Variants in INTS3 observed in about 807,000 individuals in gnomAD.
INTS3 encodes the protein integrator complex subunit 3.
INTS3 carries 34 observed loss-of-function variants against 146.3 expected under a neutral mutation model. The ratio of observed to expected loss-of-function variants is 0.23; its 90% CI spans 0.18 to 0.31. The LOEUF (loss-of-function observed/expected upper bound fraction) is 0.31. Ranked by LOEUF, INTS3 falls within the 10% of genes least tolerant of loss-of-function variation. The probability of loss-of-function intolerance (pLI) is 1.00; values close to 1 mark genes in which losing one functional copy is unlikely to be tolerated. For missense variants in INTS3, 757 were observed against 1,304.2 expected (o/e 0.58, Z 6.46); for synonymous variants, 475 against 494.9 (o/e 0.96, Z 0.53).
chr1:153,735,495 T>A (rs958886084), intron 1 of INTS3, among the ~76,000 whole-genome samples: 1 of 152,164 alleles, frequency 6.6e-6, no homozygotes, highest in African/African-American at 2.4e-5. Context: ...TGCTGTTTGA[T>A]TTTGCTTGCC....
intron 10 of INTS3, among the ~76,000 whole-genome samples, chr1:153,758,174 G>A (rs888596280): frequency 6.6e-6 from 1 of 152,160 alleles, no homozygotes; most frequent in Admixed American, 6.5e-5. Context: ...TAAATGCAGC[G>A]AATCTGCAGT....
intron 20 of INTS3, among the ~76,000 whole-genome samples, chr1:153,766,088 T>G (rs1176852468): frequency 6.6e-6 from 1 of 151,562 alleles, no homozygotes; most frequent in Non-Finnish European, 1.5e-5. Context: ...CTGTATGTGA[T>G]CTTTTGTGAC....
chr1:153,765,128 G>A (rs540121655), intron 20 of INTS3, 65 bp downstream of exon 20: 184 of 1,565,364 alleles, frequency 1.2e-4, no homozygotes, highest in Admixed American at 2.3e-4. Context: ...TCTTCCACAC[G>A]CTGACTCCCC....
chr1:153,746,561 C>T (rs1000025650), intron 3 of INTS3, among the ~76,000 whole-genome samples: 3 of 152,148 alleles, frequency 2.0e-5, no homozygotes, highest in Non-Finnish European at 4.4e-5. Flanking sequence ...CCACCGTGCC[C>T]GGCTAATTTT....
intron 1 of INTS3, among the ~76,000 whole-genome samples, chr1:153,736,278 G>A (rs560066073): frequency 2.6e-4 from 40 of 152,210 alleles, no homozygotes; most frequent in African/African-American, 9.4e-4. Flanking sequence ...ATATTAAGTT[G>A]TAATAAGTGG....
chr1:153,761,057 A>G (rs1672365241), intron 13 of INTS3, 139 bp downstream of exon 13: 2 of 1,464,922 alleles, frequency 1.4e-6, no homozygotes, highest in South Asian at 1.4e-5. Flanking sequence ...ACTGCTGGGC[A>G]TATGTCTTCT....
At chr1:153,752,518 G>C in intron 8 of INTS3, 110 bp downstream of exon 8, 1 of 1,142,876 alleles carries the variant, frequency 8.7e-7, no homozygotes, top group South Asian at 1.6e-5. Context: ...TTGGTGGTCA[G>C]ATTTAGGAAG....
intron 1 of INTS3, among the ~76,000 whole-genome samples, chr1:153,735,873 C>T (rs746904675): frequency 2.0e-5 from 3 of 152,160 alleles, no homozygotes; most frequent in Admixed American, 1.3e-4. Context: ...CAGGTGCACA[C>T]GACCATGCCT....
intron 5 of INTS3, 36 bp downstream of exon 5, chr1:153,747,399 G>C: frequency 6.7e-7 from 1 of 1,488,106 alleles, no homozygotes. Flanking sequence ...GAAGAAAGGA[G>C]GAGAGCCCAG....
chr1:153,762,996 C>T (rs954422197), intron 15 of INTS3, 149 bp downstream of exon 15: 3 of 1,158,440 alleles, frequency 2.6e-6, no homozygotes, highest in Non-Finnish European at 2.5e-6. Flanking sequence ...CTCCAGAATG[C>T]AGAGCCCTGT....
Position 153,742,899 on chromosome 1 carries a change from A to AT in INTS3, c.318+1533dup, listed in dbSNP as rs1217741335. ...ATAGCTGGTTGACACCTTTGCTAGCATTCATGTTCACATGCTAAAAGTTTC... is the reference window on the plus strand; with the variant it reads ...ATAGCTGGTTGACACCTTTGCTAGCATTTCATGTTCACATGCTAAAAGTTTC... On this transcript the variant is annotated intron_variant, in intron 3 of 29. Transcript: ENST00000318967. 5.3e-5 allele frequency among the ~76,000 whole-genome samples: 8 copies of AT among 152,358 alleles called. 1 individual carries two copies. Among genetic ancestry groups the AT allele is most frequent in the African/African-American group, 1.9e-4 (8 of 41,596 alleles).
Position 153,757,455 on chromosome 1 carries a change from G to T in INTS3, c.958-117G>T. ...TACGAGACAGTATGAGCTAATGAAT[G>T]AATTGTGGAGAAATAGAGGTCTAGG... On this transcript the variant is annotated intron_variant, in intron 9 of 29. Transcript: ENST00000318967. The surrounding 1 kb of genome is among the most constrained non-coding windows in gnomAD (Gnocchi z 4.0). The T allele has an allele frequency of 1.3e-6, 1 of 768,572 alleles. No individual in the cohort carries two copies. The highest frequency in any genetic ancestry group is 1.8e-5 in the South Asian group (1 of 54,418). 47.6% of individuals were successfully genotyped at this position (768,572 alleles called of 1,614,324 possible). A position where few individuals can be genotyped will look rare whatever the true frequency, so the allele number is the denominator to read the frequency against.
intron 20 of INTS3, chr1:153,766,687 A>ATTTTT (rs60442057): frequency 1.6e-5 from 2 of 123,610 alleles, no homozygotes; most frequent in Non-Finnish European, 3.4e-5. Context: ...GACTTTTAAG[A>ATTTTT]TTTTTTTTTT....
chr1:153,731,850 G>A (rs973161386), intron 1 of INTS3, among the ~76,000 whole-genome samples: 10 of 148,466 alleles, frequency 6.7e-5, no homozygotes, highest in South Asian at 2.1e-4. Context: ...CTCCCAAAGT[G>A]CTGGGATTAC....
chr1:153,745,690 A>C (rs1671705986), intron 3 of INTS3, among the ~76,000 whole-genome samples: 1 of 151,954 alleles, frequency 6.6e-6, no homozygotes, highest in African/African-American at 2.4e-5. Context: ...GAAGGGAAGC[A>C]ATAATCTCAC....
At position 153,763,377 on chromosome 1, in the gene INTS3, T is replaced by C. The variant is rs1005523252; in HGVS notation, c.1766+15T>C. On this transcript the variant is annotated intron_variant, in intron 16 of 29. Coordinates refer to ENST00000318967, the MANE Select transcript of INTS3 (RefSeq NM_023015.5). ...CAGAAGGGGAGGTGGGTACAGACCT[T>C]GTTCTCAACTTCAGGAGGTTCAGCC... 2 of 1,613,602 alleles carry C rather than the reference T, an allele frequency of 1.2e-6. No homozygotes were observed. The highest frequency in any genetic ancestry group is 1.3e-5 in the African/African-American group (1 of 75,044).
chr1:153,770,090 T>TTC, intron 23 of INTS3, 108 bp from the exon 24 acceptor site: 1 of 401,416 alleles, frequency 2.5e-6, no homozygotes, highest in Admixed American at 3.2e-5. Flanking sequence ...TGTGTGTGTG[T>TTC]GTGTGTGTGT....
intron 10 of INTS3, among the ~76,000 whole-genome samples, chr1:153,758,646 A>G (rs1672253902): frequency 6.6e-6 from 1 of 151,648 alleles, no homozygotes. Flanking sequence ...CATCTCTACA[A>G]AAAAATACAA....
In INTS3 at chr1:153,772,011, G is replaced by A. The variant is rs1553241073; in HGVS notation, c.2720+48G>A. The A allele has an allele frequency of 6.8e-6, 10 of 1,468,242 alleles. No homozygotes were observed. The highest frequency in any genetic ancestry group is 8.4e-6 in the Non-Finnish European group (9 of 1,072,162). The allele number at this position is 1,468,242 out of a possible 1,614,324, so 91.0% of individuals were successfully genotyped here. A position where few individuals can be genotyped will look rare whatever the true frequency, so the allele number is the denominator to read the frequency against. On this transcript the variant is annotated intron_variant, in intron 26 of 29. Transcript: ENST00000318967. This position sits in a 1 kb window ranked among gnomAD's most constrained non-coding sequence, Gnocchi z 4.6. ...CCTCCAGGCCATGGCGGTCTGCAGT[G>A]ATTGCTGTCGGTGGTGGTGGTGGTG... is the stretch of plus-strand genomic sequence containing the variant.
Sources: allele counts gnomAD v4.1 joint callset (sites outside exome capture counted in the v4.1 genomes callset), GRCh38; gene constraint gnomAD v4.1.1; non-coding constraint Gnocchi (gnomAD v3.1); transcripts MANE v1.5; gene names NCBI Gene and HGNC (gene_info 2026-07-23, HGNC 2026-07-21).